The following RBFOX2 variants were observed in gnomAD, a reference collection of about 807,000 sequenced individuals.
RBFOX2 encodes the protein RNA binding protein fox-1 homolog 2.
A neutral mutation model predicts 49.1 loss-of-function variants in RBFOX2; 10 were observed. The ratio of observed to expected loss-of-function variants is 0.20; its 90% CI spans 0.13 to 0.35. The LOEUF (loss-of-function observed/expected upper bound fraction) is 0.35. Among genes scored for constraint, RBFOX2 ranks in the 10% least tolerant of loss-of-function variants. RBFOX2 has a pLI of 1.00. For synonymous variants in RBFOX2, 183 were observed against 187.4 expected, an observed-to-expected ratio of 0.98 and a Z score of 0.19; for missense variants, 323 against 486.9, an observed-to-expected ratio of 0.66 and a Z score of 3.17.
chr22:36,018,209 A>G (rs902571936), intron 1 of RBFOX2, among the ~76,000 whole-genome samples: 3 of 152,226 alleles, frequency 2.0e-5, no homozygotes, highest in Non-Finnish European at 2.9e-5. Flanking sequence ...TGGGGCAGAC[A>G]TTCAATCAAG....
chr22:35,941,889 G>A (rs761748273), upstream of RBFOX2, among the ~76,000 whole-genome samples: 9 of 152,148 alleles, frequency 5.9e-5, no homozygotes, highest in Non-Finnish European at 1.2e-4. Flanking sequence ...TCTCAGATAA[G>A]GCTATTTGGA....
chr22:35,771,299 A>G (rs1942613750), intron 4 of RBFOX2, among the ~76,000 whole-genome samples: 1 of 152,202 alleles, frequency 6.6e-6, no homozygotes, highest in Non-Finnish European at 1.5e-5. Context: ...GGAGAGTCCG[A>G]ATCAGAGTAA....
At chr22:35,909,246 C>G (rs1233341537) in intron 1 of RBFOX2, among the ~76,000 whole-genome samples, 3 of 152,006 alleles carry the variant, frequency 2.0e-5, no homozygotes, top group Non-Finnish European at 4.4e-5. Flanking sequence ...TCGCTTGGGG[C>G]CAGGAATTTG....
rs552214813 is a variant in RBFOX2 at position 35,746,993 on chromosome 22, C to T, written c.888-432G>A. 203 of 153,294 alleles carry T rather than the reference C, an allele frequency of 1.3e-3. 1 individual carries two copies. Among genetic ancestry groups the T allele is most frequent in the Middle Eastern group, 0.01 (3 of 296 alleles). 9.5% of individuals were successfully genotyped at this position (153,294 alleles called of 1,614,324 possible). Reference sequence around the variant, plus strand: ...TATGTGTTGACTTCAGATTCTCTAACGTGTTCTTGGATTGATTCATTAATA... The same window carrying T: ...TATGTGTTGACTTCAGATTCTCTAATGTGTTCTTGGATTGATTCATTAATA... On this transcript the variant is annotated intron_variant, in intron 9 of 11. Coordinates refer to ENST00000405409, the Ensembl canonical transcript of RBFOX2.
intron 1 of RBFOX2, among the ~76,000 whole-genome samples, chr22:35,886,121 G>A (rs2046546630): frequency 6.6e-6 from 1 of 152,006 alleles, no homozygotes; most frequent in African/African-American, 2.4e-5. Flanking sequence ...CTCCCAAAGT[G>A]CTGGGATTAC....
chr22:35,810,184 GACAGACACACAC>G (rs1457375025), intron 1 of RBFOX2, among the ~76,000 whole-genome samples, 180 bp from the exon 3 acceptor site: 7 of 89,584 alleles, frequency 7.8e-5, no homozygotes, highest in Admixed American at 3.1e-4. Context: ...TATGTATGTG[GACAGACACACAC>G]ACACACACAC....
intron 1 of RBFOX2, among the ~76,000 whole-genome samples, chr22:35,868,425 T>C (rs950348285): frequency 1.3e-5 from 2 of 152,160 alleles, no homozygotes; most frequent in African/African-American, 4.8e-5. Context: ...AGAAAGGATC[T>C]ATCACAGATA....
intron 2 of RBFOX2, among the ~76,000 whole-genome samples, chr22:35,792,326 AAAAAAAAAGAAAAG>A (rs1490073163): frequency 2.5e-4 from 34 of 136,040 alleles, no homozygotes; most frequent in East Asian, 2.0e-3. Flanking sequence ...AAAAAAAAAA[AAAAAAAAAGAAAAG>A]AAAAGAAAAG....
exon 12 of RBFOX2, chr22:35,743,953 T>TA: frequency 2.6e-6 from 1 of 391,498 alleles, no homozygotes; most frequent in African/African-American, 2.1e-5. Flanking sequence ...TTACCACAGT[T>TA]TAAAAAAAAA....
At chr22:35,813,585 A>G (rs1325894887) in intron 1 of RBFOX2, among the ~76,000 whole-genome samples, 1 of 152,198 alleles carries the variant, frequency 6.6e-6, no homozygotes, top group East Asian at 1.9e-4. Flanking sequence ...TTCTTATAAC[A>G]TTTAGCTTGC....
Position 35,967,225 on chromosome 22 carries a change from CAAGTA to C in RBFOX2, c.187-28333_187-28329del, listed in dbSNP as rs1434835203. ...TTATAGTCAGCATTTATATCCAGTT[CAAGTA>C]AAGAATATCATGAAAACATTCTTCT... is the stretch of plus-strand genomic sequence containing the variant. On this transcript the variant is annotated intron_variant, in intron 1 of 13. Transcript: ENST00000438146. 2.6e-5 allele frequency among the ~76,000 whole-genome samples: 4 copies of C among 152,036 alleles called. No homozygotes were observed. The South Asian group carries it at 6.2e-4, about 24-fold the overall frequency.
intron 2 of RBFOX2, among the ~76,000 whole-genome samples, chr22:35,806,512 T>A (rs1475643979): frequency 6.6e-6 from 1 of 151,860 alleles, no homozygotes; most frequent in Non-Finnish European, 1.5e-5. Context: ...TTGTGATAAG[T>A]CAAAGATGTA....
chr22:35,743,978 C>T, exon 12 of RBFOX2: 1 of 380,638 alleles, frequency 2.6e-6, no homozygotes, highest in Middle Eastern at 7.0e-4. Flanking sequence ...AAAAAATGCA[C>T]AATCTTTGGA....
intron 1 of RBFOX2, among the ~76,000 whole-genome samples, chr22:35,921,812 G>C (rs2051057601): frequency 6.6e-6 from 1 of 152,218 alleles, no homozygotes; most frequent in African/African-American, 2.4e-5. Context: ...TCCACTGCAA[G>C]AAGTTCTGTG....
At chr22:35,897,895 A>G (rs752546017) in intron 1 of RBFOX2, 50 of 727,144 alleles carry the variant, frequency 6.9e-5, no homozygotes, top group Non-Finnish European at 1.1e-4. Context: ...ATTCACATTC[A>G]GATGTGCAAC....
chr22:35,923,693 A>G (rs2051284091), intron 1 of RBFOX2, among the ~76,000 whole-genome samples: 1 of 152,130 alleles, frequency 6.6e-6, no homozygotes, highest in Admixed American at 6.5e-5. Context: ...CTCATCTGCC[A>G]ATGGAGATTA....
intron 1 of RBFOX2, among the ~76,000 whole-genome samples, chr22:35,825,435 A>G (rs1316707375): frequency 1.3e-5 from 2 of 152,038 alleles, no homozygotes; most frequent in Non-Finnish European, 2.9e-5. Context: ...TGAAAAAAAA[A>G]AAAAAAGAAA....
At chr22:35,867,257 A>C (rs1270177558) in intron 1 of RBFOX2, among the ~76,000 whole-genome samples, 1 of 152,228 alleles carries the variant, frequency 6.6e-6, no homozygotes. Flanking sequence ...CAAATACCAC[A>C]CTTGAAACAT....
intron 3 of RBFOX2, among the ~76,000 whole-genome samples, chr22:35,779,043 A>G (rs1944558373): frequency 6.6e-6 from 1 of 152,230 alleles, no homozygotes; most frequent in Non-Finnish European, 1.5e-5. Context: ...TATTTTAAAT[A>G]ACCACTCTCT....
Sources: allele counts gnomAD v4.1 joint callset (sites outside exome capture counted in the v4.1 genomes callset), GRCh38; gene constraint gnomAD v4.1.1; transcripts MANE v1.5; gene names NCBI Gene and HGNC (gene_info 2026-07-23, HGNC 2026-07-21).